SCIN: variants seen among roughly 807,000 people sequenced by gnomAD.
SCIN encodes adseverin.
In SCIN, 91 loss-of-function variants were observed where a neutral mutation model predicts 91.8. The observed-to-expected ratio is 0.99, with a 90% CI of 0.84 to 1.18. The LOEUF is 1.18. Ranked by LOEUF, SCIN falls within the 50% of genes most tolerant of loss-of-function variation. The probability of loss-of-function intolerance (pLI) is 0.00; values close to 1 mark genes in which losing one functional copy is unlikely to be tolerated. For missense variants in SCIN, 1,087 were observed against 863.9 expected (o/e 1.26, Z -3.24); for synonymous variants, 367 against 312.6 (o/e 1.17, Z -1.84).
At chr7:12,592,292 G>C (rs376628181) in intron 3 of SCIN, among the ~76,000 whole-genome samples, 1 of 152,118 alleles carries the variant, frequency 6.6e-6, no homozygotes, top group South Asian at 2.1e-4. Flanking sequence ...TTGACTGATG[G>C]CTCGGAGGTT....
intron 12 of SCIN, 37 bp from the exon 13 acceptor site, chr7:12,644,547 T>C (rs1369665444): frequency 2.5e-6 from 4 of 1,606,226 alleles, no homozygotes; most frequent in East Asian, 2.2e-5. Flanking sequence ...CATATGTCCC[T>C]GAAAATGCAC....
chr7:12,651,803 C>A lies in SCIN; in HGVS notation c.1960-38C>A. The stretch of plus-strand genomic sequence containing the variant: ...TAGGGCCTAGCACTGAGTCAACATC[C>A]CAGAAATCATACATATTGTTATTGT... On this transcript the variant is annotated intron_variant, in intron 14 of 15. Transcript: ENST00000297029. This position sits in a 1 kb window ranked among gnomAD's most constrained non-coding sequence, Gnocchi z 5.9. The A allele has an allele frequency of 7.4e-7, 1 of 1,358,696 alleles. No individual in the cohort carries two copies. Among genetic ancestry groups the A allele is most frequent in the Non-Finnish European group, 1.0e-6 (1 of 967,600 alleles). The allele number at this position is 1,358,696 out of a possible 1,614,324, so 84.2% of individuals were successfully genotyped here.
chr7:12,640,284 A>G (rs1343877443), intron 10 of SCIN, 63 bp from the exon 11 acceptor site: 4 of 1,379,210 alleles, frequency 2.9e-6, no homozygotes, highest in South Asian at 1.8e-5. Context: ...CACATTTGGA[A>G]CTAAAACCTT....
intron 8 of SCIN, among the ~76,000 whole-genome samples, chr7:12,628,042 TG>T (rs1783565967): frequency 6.7e-6 from 1 of 150,026 alleles, no homozygotes. Context: ...CGTGTGTGTG[TG>T]TGTGTGTGTG....
chr7:12,640,548 T>G (rs1225825318), intron 11 of SCIN, 31 bp downstream of exon 11: 1 of 1,561,088 alleles, frequency 6.4e-7, no homozygotes, highest in South Asian at 1.2e-5. Context: ...AAACATGCCC[T>G]AGTTATGGAC....
At chr7:12,635,169 AAATAATAAT>A (rs991153390) in intron 9 of SCIN, among the ~76,000 whole-genome samples, 2 of 151,186 alleles carry the variant, frequency 1.3e-5, no homozygotes, top group African/African-American at 2.4e-5. Flanking sequence ...ACTCTGTCTC[AAATAATAAT>A]AATAATAATA....
In SCIN at chr7:12,659,222, C is replaced by T. The variant is rs989110279; in HGVS notation, c.*6507C>T. 15 of 152,286 alleles carry T rather than the reference C, an allele frequency of 9.8e-5. No homozygotes were observed. The highest frequency in any genetic ancestry group is 9.8e-4 in the Admixed American group (15 of 15,280). The allele number at this position is 152,286 out of a possible 1,614,324, so 9.4% of individuals were successfully genotyped here. A position where few individuals can be genotyped will look rare whatever the true frequency, so the allele number is the denominator to read the frequency against. ...CCACCCTCCTCTGCCTTCCAAAGTG[C>T]TGGGATTACAGGCATGAGCCACCGC... On this transcript the variant is annotated 3_prime_UTR_variant, in exon 16 of 16. Transcript: ENST00000297029.
chr7:12,646,943 C>G (rs1783977263), intron 13 of SCIN, among the ~76,000 whole-genome samples: 1 of 152,116 alleles, frequency 6.6e-6, no homozygotes, highest in Admixed American at 6.5e-5. Flanking sequence ...ATTTGCTCAC[C>G]TACTTTACAG....
At chr7:12,614,221 G>T (rs1020985118) in intron 4 of SCIN, among the ~76,000 whole-genome samples, 1 of 152,152 alleles carries the variant, frequency 6.6e-6, no homozygotes, top group East Asian at 1.9e-4. Context: ...TGGCTCACTG[G>T]TAGGCTGAAC....
At chr7:12,621,687 A>G (rs1318978) in intron 4 of SCIN, among the ~76,000 whole-genome samples, 6,414 of 149,620 alleles carry the variant, frequency 0.043, 139 homozygotes, top group Non-Finnish European at 0.056. Flanking sequence ...AAAAAAAGAA[A>G]AACTGCATTA....
intron 1 of SCIN, chr7:12,577,743 C>A: frequency 2.5e-6 from 1 of 400,604 alleles, no homozygotes; most frequent in Non-Finnish European, 4.7e-6. Context: ...GTAGTCCAAG[C>A]TGCTTGTGAG....
intron 10 of SCIN, among the ~76,000 whole-genome samples, chr7:12,639,254 G>A (rs1200974897): frequency 2.0e-5 from 3 of 152,098 alleles, no homozygotes; most frequent in Admixed American, 6.6e-5. Context: ...TATATGAAAT[G>A]CTAAGCTAAC....
chr7:12,639,425 A>C (rs945686756), intron 10 of SCIN, among the ~76,000 whole-genome samples: 1 of 152,224 alleles, frequency 6.6e-6, no homozygotes, highest in Non-Finnish European at 1.5e-5. Context: ...TAATGAGTAC[A>C]TGCATCAGCA....
rs60697843 is a variant in SCIN, at chr7:12,621,637, GTTT to G, written c.667-1146_667-1144del. ...AAAGCTTTTGGTCACAAGTGTTTTA[GTTT>G]TTTTTTTTTTTTTTTTTGCTTGATT... is the stretch of plus-strand genomic sequence containing the variant. On this transcript the variant is annotated intron_variant, in intron 4 of 15. Coordinates refer to ENST00000297029, the MANE Select transcript of SCIN (RefSeq NM_001112706.3). 5.1e-3 allele frequency among the ~76,000 whole-genome samples: 541 copies of G among 106,388 alleles called. 3 individuals carry two copies. The highest frequency in any genetic ancestry group is 6.7e-3 in the Non-Finnish European group (357 of 53,334). The allele number at this position is 106,388 out of a possible 152,430, so 69.8% of individuals were successfully genotyped here. A position where few individuals can be genotyped will look rare whatever the true frequency, so the allele number is the denominator to read the frequency against.
intron 10 of SCIN, 112 bp downstream of exon 10, chr7:12,636,247 A>G (rs903257343): frequency 1.0e-5 from 7 of 687,176 alleles, no homozygotes; most frequent in African/African-American, 7.2e-5. Flanking sequence ...TCTTGATATG[A>G]ACTGTGTTTT....
At chr7:12,633,963 A>G (rs570378078) in intron 9 of SCIN, among the ~76,000 whole-genome samples, 49 of 123,286 alleles carry the variant, frequency 4.0e-4, no homozygotes, top group African/African-American at 1.3e-3. Context: ...ATTTGTGTGC[A>G]TGTTTTTTTT....
Position 12,604,623 on chromosome 7 carries a change from T to C in SCIN, c.626T>C (p.Ile209Thr), listed in dbSNP as rs927832147. ...YNERKGRSEL[I>T]VVEEGSEPSE... is the part of the protein sequence containing the mutation. ...GAAAGGAAAGGAAGGTCTGAACTAA[T>C]TGTCGTGGAAGAAGGAAGTGAACCC... The change falls in exon 4 of 16, where the codon ATT becomes ACT. Residue 209 changes from isoleucine (I) to threonine (T), a missense_variant. Transcript: ENST00000297029. The C allele has an allele frequency of 1.3e-6, 2 of 1,552,230 alleles. No individual in the cohort carries two copies. Among genetic ancestry groups the C allele is most frequent in the Non-Finnish European group, 1.7e-6 (2 of 1,147,100 alleles).
intron 1 of SCIN, among the ~76,000 whole-genome samples, chr7:12,571,871 TCCAGCCTCTCC>T (rs1273524908): frequency 2.0e-5 from 3 of 152,192 alleles, no homozygotes; most frequent in Admixed American, 1.3e-4. Context: ...ATCCTGAATG[TCCAGCCTCTCC>T]CCAGGAGGTC....
chr7:12,618,835 C>A (rs1783350044), intron 4 of SCIN, among the ~76,000 whole-genome samples: 1 of 152,058 alleles, frequency 6.6e-6, no homozygotes, highest in South Asian at 2.1e-4. Context: ...TTCTTGGAAC[C>A]TGTGAGCTGA....
Sources: allele counts gnomAD v4.1 joint callset (sites outside exome capture counted in the v4.1 genomes callset), GRCh38; gene constraint gnomAD v4.1.1; non-coding constraint Gnocchi (gnomAD v3.1); transcripts MANE v1.5; gene names NCBI Gene and HGNC (gene_info 2026-07-23, HGNC 2026-07-21).